SULF1: variants seen among roughly 807,000 people sequenced by gnomAD.
SULF1 encodes the protein sulfatase 1, also known as extracellular sulfatase Sulf-1.
SULF1 carries 46 observed loss-of-function variants against 110.5 expected under a neutral mutation model. The observed-to-expected ratio is 0.42, with a 90% confidence interval of 0.33 to 0.53. The LOEUF (loss-of-function observed/expected upper bound fraction) is 0.53. SULF1 is among the 20% of genes least tolerant of loss of function. SULF1 has a pLI of 0.12. For missense variants in SULF1, 941 were observed against 1,094.2 expected (o/e 0.86, Z 1.98); for synonymous variants, 371 against 387.1 (o/e 0.96, Z 0.49).
At chr8:69,610,006 G>T (rs2130461962) in intron 13 of SULF1, among the ~76,000 whole-genome samples, 1 of 152,268 alleles carries the variant, frequency 6.6e-6, no homozygotes, top group East Asian at 1.9e-4. Context: ...AATTCCCTGG[G>T]CATCCAATTT....
chr8:69,621,681 T>C (rs760690448), intron 14 of SULF1, among the ~76,000 whole-genome samples: 5 of 152,220 alleles, frequency 3.3e-5, no homozygotes, highest in Non-Finnish European at 7.3e-5. Flanking sequence ...GCATAAACAC[T>C]TTTTTAAGGC....
chr8:69,576,238 C>G (rs780743837), intron 6 of SULF1, 29 bp downstream of exon 6: 62 of 1,604,148 alleles, frequency 3.9e-5, no homozygotes, highest in Non-Finnish European at 5.2e-5. Flanking sequence ...AGCCCATGAA[C>G]GTCTTGTAAT....
chr8:69,601,917 C>T, intron 10 of SULF1, 88 bp downstream of exon 10: 1 of 1,373,532 alleles, frequency 7.3e-7, no homozygotes, highest in Non-Finnish European at 9.8e-7. Flanking sequence ...ATCTGGTTTC[C>T]TTTCATCCAA....
At chr8:69,484,825 C>CTCTTCTTCT (rs72313235) in intron 1 of SULF1, among the ~76,000 whole-genome samples, 7,988 of 148,864 alleles carry the variant, frequency 0.054, 280 homozygotes, top group Non-Finnish European at 0.072. Flanking sequence ...TTTCATCTTC[C>CTCTTCTTCT]TCTTCTTCTT....
intron 3 of SULF1, among the ~76,000 whole-genome samples, chr8:69,531,895 C>A (rs1419531156): frequency 6.6e-6 from 1 of 152,090 alleles, no homozygotes; most frequent in South Asian, 2.1e-4. Context: ...ATTACATACG[C>A]GGCCACCCCT....
chr8:69,533,124 GATACCT>G (rs1272480189), intron 3 of SULF1, among the ~76,000 whole-genome samples: 1 of 152,140 alleles, frequency 6.6e-6, no homozygotes, highest in Non-Finnish European at 1.5e-5. Context: ...CCAGCTTACC[GATACCT>G]ATTATCCCAG....
In SULF1 at chr8:69,660,381, A is replaced by G. The variant is rs1740929674; in HGVS notation, c.*1846A>G. On this transcript the variant is annotated 3_prime_UTR_variant, in exon 23 of 23. Coordinates refer to ENST00000402687, the MANE Select transcript of SULF1 (RefSeq NM_001128205.2). ...CTTCACCAAGTTCTGATATCTTTTAAAGACATAGTTCAAAATTGCTTTTGA... is the reference window on the plus strand; with the variant it reads ...CTTCACCAAGTTCTGATATCTTTTAGAGACATAGTTCAAAATTGCTTTTGA... 1 of 152,424 alleles carries G rather than the reference A, an allele frequency of 6.6e-6. No homozygotes were observed. The highest frequency in any genetic ancestry group is 2.4e-5 in the African/African-American group (1 of 41,458). The allele number at this position is 152,424 out of a possible 1,614,324, so 9.4% of individuals were successfully genotyped here.
At chr8:69,627,956 C>CTA in intron 17 of SULF1, 90 bp downstream of exon 17, 1 of 1,004,726 alleles carries the variant, frequency 1.0e-6, no homozygotes, top group Non-Finnish European at 1.5e-6. Flanking sequence ...TCTCTCTTAC[C>CTA]TATAGAATGT....
chr8:69,519,562 A>G (rs1812154575), intron 3 of SULF1, among the ~76,000 whole-genome samples: 1 of 152,156 alleles, frequency 6.6e-6, no homozygotes, highest in Non-Finnish European at 1.5e-5. Context: ...GCCAGTGTCC[A>G]GAAGCAAATA....
intron 8 of SULF1, chr8:69,597,154 CTTAG>C (rs1807404367): frequency 6.6e-6 from 1 of 152,180 alleles, no homozygotes; most frequent in South Asian, 2.1e-4. Flanking sequence ...GAAGACAATC[CTTAG>C]TTAGGAAAGC....
chr8:69,544,546 G>T (rs1814111988), intron 3 of SULF1, among the ~76,000 whole-genome samples: 1 of 152,006 alleles, frequency 6.6e-6, no homozygotes, highest in Non-Finnish European at 1.5e-5. Context: ...GGATTATAGG[G>T]GTGAGCCACC....
At chr8:69,596,705 G>A (rs933918219) in intron 8 of SULF1, among the ~76,000 whole-genome samples, 4 of 152,178 alleles carry the variant, frequency 2.6e-5, no homozygotes, top group Non-Finnish European at 5.9e-5. Flanking sequence ...CTATCCCGGT[G>A]CATTATTTCT....
At chr8:69,532,755 T>C (rs1226526131) in intron 3 of SULF1, among the ~76,000 whole-genome samples, 1 of 152,202 alleles carries the variant, frequency 6.6e-6, no homozygotes, top group Non-Finnish European at 1.5e-5. Context: ...GCAATAGATC[T>C]CTAGAACTCT....
In SULF1 at chr8:69,638,581, T is replaced by C; in HGVS notation, c.2364T>C (p.Phe788=). The change falls in exon 20 of 23, where the codon TTT becomes TTC. Residue 788 remains phenylalanine (F), a synonymous_variant. Transcript: ENST00000402687. ...CLRTVNETHN[F]LFCEFATGFL... is the part of the protein sequence containing the mutation. ...GTACAGTTAATGAGACGCATAATTT[T>C]CTTTTCTGTGAGTTTGCTACTGGCT... The C allele has an allele frequency of 6.2e-7, 1 of 1,614,154 alleles. No homozygotes were observed. Among genetic ancestry groups the C allele is most frequent in the South Asian group, 1.1e-5 (1 of 91,062 alleles).
intron 13 of SULF1, among the ~76,000 whole-genome samples, chr8:69,620,758 C>G (rs998839740): frequency 6.6e-6 from 1 of 152,128 alleles, no homozygotes; most frequent in African/African-American, 2.4e-5. Context: ...AGTCTGCGTG[C>G]TAAGGATTCA....
At chr8:69,564,214 T>A in intron 5 of SULF1, 67 bp downstream of exon 5, 2 of 1,573,820 alleles carry the variant, frequency 1.3e-6, no homozygotes, top group Non-Finnish European at 8.7e-7. Flanking sequence ...CTCAGGATTA[T>A]CAGGAGACAT....
upstream of SULF1, among the ~76,000 whole-genome samples, chr8:69,488,472 G>A (rs1809788853): frequency 6.6e-6 from 1 of 151,952 alleles, no homozygotes. Context: ...AAACTCAGGG[G>A]CCCTGAAATT....
At chr8:69,513,761 G>T (rs760733904) in intron 3 of SULF1, among the ~76,000 whole-genome samples, 22 of 152,124 alleles carry the variant, frequency 1.4e-4, no homozygotes, top group Non-Finnish European at 2.2e-4. Flanking sequence ...CCATGCCCTT[G>T]GTGTGGCCAG....
intron 13 of SULF1, among the ~76,000 whole-genome samples, chr8:69,620,698 G>A (rs191507760): frequency 2.9e-4 from 44 of 152,322 alleles, no homozygotes; most frequent in East Asian, 1.7e-3. Context: ...CAGCTGCACC[G>A]TGTGTCTTGG....
Sources: allele counts gnomAD v4.1 joint callset (sites outside exome capture counted in the v4.1 genomes callset), GRCh38; gene constraint gnomAD v4.1.1; transcripts MANE v1.5; gene names NCBI Gene and HGNC (gene_info 2026-07-23, HGNC 2026-07-21).